Variants in TTBK2 observed in about 807,000 individuals in gnomAD.
TTBK2 encodes tau tubulin kinase 2, also known as tau-tubulin kinase 2.
TTBK2 carries 28 observed loss-of-function variants against 110.8 expected under a neutral mutation model. That is an observed-to-expected ratio of 0.25 (90% CI 0.19 to 0.35). The LOEUF is 0.35. Among genes scored for constraint, TTBK2 ranks in the 10% least tolerant of loss-of-function variants. TTBK2 has a pLI of 1.00. For missense variants in TTBK2, 1,369 were observed against 1,500.3 expected (o/e 0.91, Z 1.45); for synonymous variants, 532 against 527.3 (o/e 1.01, Z -0.12).
intron 6 of TTBK2, among the ~76,000 whole-genome samples, chr15:42,823,561 G>A (rs878974285): frequency 6.6e-6 from 1 of 152,084 alleles, no homozygotes; most frequent in Admixed American, 6.6e-5. Context: ...ATACATTTAT[G>A]TTTTGAGGAA....
Position 42,810,704 on chromosome 15 carries a change from G to A in TTBK2, c.732C>T (p.His244=). The change falls in exon 9 of 15, where the codon CAC becomes CAT. Residue 244 remains histidine, a synonymous_variant. Coordinates refer to ENST00000267890, the MANE Select transcript of TTBK2 (RefSeq NM_173500.4). ...QVGSIKERYD[H]RLMLKHLPPE... ...GAGGGAGATGTTTCAACATGAGCCTGTGGTCATATCTCTCCTTAATAGAGC... is the reference window on the plus strand; with the variant it reads ...GAGGGAGATGTTTCAACATGAGCCTATGGTCATATCTCTCCTTAATAGAGC... The A allele has an allele frequency of 6.2e-7, 1 of 1,613,926 alleles. No individual in the cohort carries two copies. The highest frequency in any genetic ancestry group is 8.5e-7 in the Non-Finnish European group (1 of 1,179,930).
chr15:42,800,849 G>A (rs1250469924), intron 9 of TTBK2: 2 of 593,678 alleles, frequency 3.4e-6, no homozygotes, highest in African/African-American at 1.9e-5. Context: ...TCGCGGATGG[G>A]CTGAGGGCTA....
chr15:42,851,481 C>T (rs1430199671), intron 3 of TTBK2, among the ~76,000 whole-genome samples: 4 of 151,996 alleles, frequency 2.6e-5, no homozygotes, highest in Non-Finnish European at 5.9e-5. Context: ...AGAAGGATCA[C>T]TCTTGCAGCA....
At chr15:42,853,923 A>AT (rs988135649) in intron 3 of TTBK2, among the ~76,000 whole-genome samples, 6 of 150,794 alleles carry the variant, frequency 4.0e-5, no homozygotes, top group Non-Finnish European at 8.8e-5. Context: ...AATCAGATCT[A>AT]CAGAATATTT....
chr15:42,887,519 C>T (rs887350327), intron 1 of TTBK2, among the ~76,000 whole-genome samples: 1 of 152,192 alleles, frequency 6.6e-6, no homozygotes, highest in African/African-American at 2.4e-5. Flanking sequence ...TTGCCTGTTA[C>T]AGCATGGCCT....
Position 42,893,364 on chromosome 15 carries a change from TG to T in TTBK2, c.-67-14681del, listed in dbSNP as rs1895538680. On this transcript the variant is annotated intron_variant, in intron 1 of 14. Transcript: ENST00000267890. ...TTTTAAAAAACTTAACTGCATGTGG[TG>T]GGTGCCTGTAGTCCTAGCTACTCAA... Among the ~76,000 whole-genome samples the T allele has an allele frequency of 2.6e-5, 4 of 152,136 alleles. No individual in the cohort carries two copies. In the South Asian group the frequency reaches 8.3e-4, roughly 32 times the overall value.
intron 1 of TTBK2, among the ~76,000 whole-genome samples, chr15:42,910,902 G>A (rs1464317987): frequency 6.6e-6 from 1 of 152,044 alleles, no homozygotes; most frequent in African/African-American, 2.4e-5. Context: ...AAATTAGCCA[G>A]GCATGGTGGC....
At chr15:42,787,774 T>C (rs1890471570) in intron 10 of TTBK2, among the ~76,000 whole-genome samples, 1 of 152,218 alleles carries the variant, frequency 6.6e-6, no homozygotes, top group African/African-American at 2.4e-5. Flanking sequence ...TTATCATTTT[T>C]TTCTATAACT....
intron 1 of TTBK2, among the ~76,000 whole-genome samples, chr15:42,912,891 C>T (rs1248292518): frequency 2.0e-5 from 3 of 149,964 alleles, no homozygotes; most frequent in East Asian, 3.9e-4. Context: ...TTTGGGAGGC[C>T]GAGGCAGGTG....
chr15:42,815,958 A>AAAAAAATATATAT lies in TTBK2; in HGVS notation c.603+1073_603+1074insATATATATTTTTT, dbSNP rs71108183. On this transcript the variant is annotated intron_variant, in intron 7 of 14. Transcript: ENST00000267890. ...TATATATATATATATTTAAAAAAAAAATATATATATATATATATATTTGAG... is the reference window on the plus strand; with the variant it reads ...TATATATATATATATTTAAAAAAAAAAAAAAATATATATATATATATATATATATATATTTGAG... Among the ~76,000 whole-genome samples, 119 of 91,690 alleles carry AAAAAAATATATAT rather than the reference A, an allele frequency of 1.3e-3. 4 individuals carry two copies. The highest frequency in any genetic ancestry group is 1.4e-3 in the South Asian group (4 of 2,900). The allele number at this position is 91,690 out of a possible 152,430, so 60.2% of individuals were successfully genotyped here.
chr15:42,902,759 G>A (rs937516286), intron 1 of TTBK2, among the ~76,000 whole-genome samples: 1 of 152,140 alleles, frequency 6.6e-6, no homozygotes, highest in Non-Finnish European at 1.5e-5. Flanking sequence ...TTGCAGGGCC[G>A]AGGTGGGAGA....
chr15:42,905,515 C>T (rs886588540), intron 1 of TTBK2, among the ~76,000 whole-genome samples: 2 of 152,128 alleles, frequency 1.3e-5, no homozygotes, highest in African/African-American at 2.4e-5. Context: ...ACTCGGCTTC[C>T]CAAAGTGCTG....
chr15:42,814,012 G>C (rs1335499039), intron 7 of TTBK2, among the ~76,000 whole-genome samples: 1 of 152,070 alleles, frequency 6.6e-6, no homozygotes, highest in Non-Finnish European at 1.5e-5. Flanking sequence ...CAGAGTTCAA[G>C]TGTTTTTTTG....
Position 42,745,631 on chromosome 15 carries a change from A to G in TTBK2, c.*164T>C, listed in dbSNP as rs911805689. 1.0e-5 allele frequency: 9 copies of G among 860,614 alleles called. No homozygotes were observed. Among genetic ancestry groups the G allele is most frequent in the Admixed American group, 2.1e-5 (1 of 48,344 alleles). The allele number at this position is 860,614 out of a possible 1,614,324, so 53.3% of individuals were successfully genotyped here. A position where few individuals can be genotyped will look rare whatever the true frequency, so the allele number is the denominator to read the frequency against. Reference sequence around the variant, plus strand: ...AATCTACTTGCTGCCTGCCTTAGGTAATTCCTTATCATGTATTATGTCTTC... The same window carrying G: ...AATCTACTTGCTGCCTGCCTTAGGTGATTCCTTATCATGTATTATGTCTTC... On this transcript the variant is annotated 3_prime_UTR_variant, in exon 15 of 15. Coordinates refer to ENST00000267890, the MANE Select transcript of TTBK2 (RefSeq NM_173500.4).
At chr15:42,759,015 T>C (rs1367349365) in intron 13 of TTBK2, among the ~76,000 whole-genome samples, 2 of 152,200 alleles carry the variant, frequency 1.3e-5, no homozygotes, top group Non-Finnish European at 2.9e-5. Flanking sequence ...TTCTGGAGTG[T>C]ACCCTGTTCT....
intron 11 of TTBK2, among the ~76,000 whole-genome samples, chr15:42,779,178 T>C (rs1567018990): frequency 6.6e-6 from 1 of 151,766 alleles, no homozygotes; most frequent in Non-Finnish European, 1.5e-5. Context: ...GGGAGGTGGG[T>C]GAATCACTTG....
At chr15:42,788,342 C>T (rs1243028081) in intron 10 of TTBK2, among the ~76,000 whole-genome samples, 1 of 152,072 alleles carries the variant, frequency 6.6e-6, no homozygotes, top group Non-Finnish European at 1.5e-5. Context: ...GTTCCAGGGG[C>T]CCCTGGGCAG....
rs1031964683 is a variant in TTBK2, at chr15:42,888,537, T to C, written c.-67-9853A>G. 2.6e-5 allele frequency among the ~76,000 whole-genome samples: 4 copies of C among 152,122 alleles called. No individual in the cohort carries two copies. The East Asian group carries it at 7.7e-4, about 29-fold the overall frequency. ...GCTATAGTAGCTTCCATATCTATCATTGAGGCTACTGCTCTGCCCCCTCCA... is the reference window on the plus strand; with the variant it reads ...GCTATAGTAGCTTCCATATCTATCACTGAGGCTACTGCTCTGCCCCCTCCA... On this transcript the variant is annotated intron_variant, in intron 1 of 14. Transcript: ENST00000267890.
rs200773248 is a variant in TTBK2, at chr15:42,775,197, G to C, written c.1936C>G (p.Gln646Glu). 55 of 1,614,176 alleles carry C rather than the reference G, an allele frequency of 3.4e-5. No homozygotes were observed. The Admixed American group carries it at 9.0e-4, about 26-fold the overall frequency. Residue 646 changes from glutamine to glutamate, a missense_variant, in exon 13 of 15, where the codon CAG becomes GAG. By Grantham distance (29) the Gln-to-Glu change is conservative (BLOSUM62 2). Coordinates refer to ENST00000267890, the MANE Select transcript of TTBK2 (RefSeq NM_173500.4). ...CTTGTGGGCGTCGCTGCAATAAACT[G>C]ACTAGCAGCTCCAGGCTGGAGTTCC... ...RLELQPGAASQFIAATPTSLM... is the reference protein window; with the variant it reads ...RLELQPGAASEFIAATPTSLM...
Sources: allele counts gnomAD v4.1 joint callset (sites outside exome capture counted in the v4.1 genomes callset), GRCh38; gene constraint gnomAD v4.1.1; transcripts MANE v1.5; gene names NCBI Gene and HGNC (gene_info 2026-07-23, HGNC 2026-07-21).